Variants in GRID2 observed in about 807,000 individuals in gnomAD.
GRID2 encodes the protein glutamate receptor ionotropic, delta-2.
Under a neutral mutation model 114.8 loss-of-function variants are expected in GRID2, and 33 were observed. The ratio of observed to expected loss-of-function variants is 0.29; its 90% CI spans 0.22 to 0.38. The LOEUF (loss-of-function observed/expected upper bound fraction) is 0.38. GRID2 is among the 10% of genes least tolerant of loss of function. The probability of loss-of-function intolerance (pLI) is 1.00; values close to 1 mark genes in which losing one functional copy is unlikely to be tolerated. For synonymous variants in GRID2, 505 were observed against 449.9 expected, an observed-to-expected ratio of 1.12 and a Z score of -1.55; for missense variants, 1,184 against 1,257.7, an observed-to-expected ratio of 0.94 and a Z score of 0.89.
chr4:92,310,809 G>C (rs1452947199), intron 1 of GRID2, among the ~76,000 whole-genome samples: 1 of 152,004 alleles, frequency 6.6e-6, no homozygotes, highest in Non-Finnish European at 1.5e-5. Flanking sequence ...AGGAGGAACA[G>C]AAAGGAATTG....
chr4:93,522,118 C>T (rs750202202), intron 13 of GRID2, among the ~76,000 whole-genome samples: 2 of 152,040 alleles, frequency 1.3e-5, no homozygotes, highest in Non-Finnish European at 2.9e-5. Flanking sequence ...CACAGGTAGA[C>T]GGTTTGGACT....
chr4:93,187,127 C>G (rs1361236594), intron 4 of GRID2, among the ~76,000 whole-genome samples: 1 of 152,144 alleles, frequency 6.6e-6, no homozygotes, highest in Non-Finnish European at 1.5e-5. Context: ...GCCCCACCTT[C>G]TCATATGGTC....
intron 1 of GRID2, among the ~76,000 whole-genome samples, chr4:92,541,317 GGA>G (rs1725935807): frequency 4.7e-5 from 7 of 147,994 alleles, no homozygotes; most frequent in Non-Finnish European, 7.5e-5. Flanking sequence ...ATAAGAGTCA[GGA>G]AAAAAAAAAG....
chr4:92,918,918 A>G (rs1749056586), intron 2 of GRID2, among the ~76,000 whole-genome samples: 1 of 152,182 alleles, frequency 6.6e-6, no homozygotes, highest in African/African-American at 2.4e-5. Context: ...ATACTTTCAG[A>G]AGGAATGGTA....
chr4:93,764,420 A>G (rs921767372), intron 14 of GRID2, among the ~76,000 whole-genome samples: 1 of 152,214 alleles, frequency 6.6e-6, no homozygotes, highest in Non-Finnish European at 1.5e-5. Flanking sequence ...GTAATTCTCC[A>G]TTAAGAAGTA....
chr4:92,927,842 C>A (rs538376533), intron 2 of GRID2, among the ~76,000 whole-genome samples: 1 of 151,482 alleles, frequency 6.6e-6, no homozygotes, highest in Non-Finnish European at 1.5e-5. Flanking sequence ...AAAATCTGAA[C>A]GATTTCAGAT....
intron 2 of GRID2, among the ~76,000 whole-genome samples, chr4:92,952,571 TA>T (rs1431690685): frequency 6.6e-6 from 1 of 152,190 alleles, no homozygotes; most frequent in Non-Finnish European, 1.5e-5. Context: ...ACAATTATAT[TA>T]AGAGGTGGTA....
chr4:92,952,157 C>CT (rs1164645554), intron 2 of GRID2, among the ~76,000 whole-genome samples: 1 of 152,100 alleles, frequency 6.6e-6, no homozygotes, highest in African/African-American at 2.4e-5. Flanking sequence ...GGACTTAGCC[C>CT]GGTGATATTT....
intron 6 of GRID2, among the ~76,000 whole-genome samples, chr4:93,221,449 A>T (rs1176790020): frequency 2.0e-5 from 3 of 152,162 alleles, no homozygotes; most frequent in Non-Finnish European, 2.9e-5. Context: ...GGGAGAAATG[A>T]TTGGTCATAT....
chr4:93,007,486 G>C (rs961985985), intron 2 of GRID2, among the ~76,000 whole-genome samples: 1 of 152,010 alleles, frequency 6.6e-6, no homozygotes, highest in African/African-American at 2.4e-5. Context: ...TGCAAGGAAA[G>C]ACTATATGAG....
At chr4:92,704,723 TTCTC>T (rs373207037) in intron 2 of GRID2, among the ~76,000 whole-genome samples, 37 of 90,084 alleles carry the variant, frequency 4.1e-4, no homozygotes, top group Non-Finnish European at 7.4e-4. Flanking sequence ...CTCTCTCTCT[TTCTC>T]TCTCTCTCTC....
At chr4:92,979,809 TAG>T (rs749408422) in intron 2 of GRID2, among the ~76,000 whole-genome samples, 30 of 152,154 alleles carry the variant, frequency 2.0e-4, no homozygotes, top group Non-Finnish European at 4.1e-4. Context: ...TTTTGTTACC[TAG>T]AGAGATTTGC....
intron 8 of GRID2, among the ~76,000 whole-genome samples, chr4:93,315,360 T>A (rs1756474417): frequency 6.6e-6 from 1 of 152,186 alleles, no homozygotes; most frequent in African/African-American, 2.4e-5. Flanking sequence ...ACACATTTTA[T>A]AATGGAAAGT....
intron 14 of GRID2, among the ~76,000 whole-genome samples, chr4:93,693,656 G>A (rs946102347): frequency 1.3e-5 from 2 of 152,108 alleles, no homozygotes; most frequent in African/African-American, 2.4e-5. Context: ...AAAAATTGAA[G>A]TGCTGTGGTA....
At chr4:93,072,525 T>C (rs1728901248) in intron 2 of GRID2, among the ~76,000 whole-genome samples, 1 of 152,124 alleles carries the variant, frequency 6.6e-6, no homozygotes, top group African/African-American at 2.4e-5. Context: ...AGTGGAACTA[T>C]GGCTGCAGGG....
chr4:93,109,658 T>C (rs1323378310), intron 3 of GRID2, among the ~76,000 whole-genome samples: 1 of 152,144 alleles, frequency 6.6e-6, no homozygotes, highest in Non-Finnish European at 1.5e-5. Context: ...TCCCATTTAC[T>C]TGTTTCTCTA....
chr4:93,792,681 G>A (rs1384034384), intron 1 of GRID2, among the ~76,000 whole-genome samples: 3 of 152,132 alleles, frequency 2.0e-5, no homozygotes, highest in Non-Finnish European at 4.4e-5. Context: ...TGGAACATCA[G>A]GTCCAAATAG....
chr4:92,762,803 A>T (rs1738082916), intron 2 of GRID2, among the ~76,000 whole-genome samples: 1 of 152,164 alleles, frequency 6.6e-6, no homozygotes, highest in Non-Finnish European at 1.5e-5. Context: ...TTATCCTGTG[A>T]TGTTGTGGCA....
At position 92,755,680 on chromosome 4, in the gene GRID2, A is replaced by G. The variant is rs1246935459; in HGVS notation, c.244+165394A>G. On this transcript the variant is annotated intron_variant, in intron 2 of 15. Coordinates refer to ENST00000282020, the MANE Select transcript of GRID2 (RefSeq NM_001510.4). The stretch of plus-strand genomic sequence containing the variant: ...AACAAAAAGGAGGCAGTATGGATAA[A>G]ACAGAGTTGTTAAAGGGAAAAGCCT... Among the ~76,000 whole-genome samples, 6 of 152,312 alleles carry G rather than the reference A, an allele frequency of 3.9e-5. No individual in the cohort carries two copies. In the East Asian group the frequency reaches 1.2e-3, roughly 29 times the overall value.
Sources: gnomAD v4.1 joint callset for allele counts (sites outside exome capture counted in the v4.1 genomes callset) on GRCh38, gnomAD v4.1.1 for gene constraint, MANE v1.5 for transcripts, NCBI Gene and HGNC (gene_info 2026-07-23, HGNC 2026-07-21) for gene names.